The following SNTG1 variants were observed in gnomAD, a reference collection of about 807,000 sequenced individuals.
SNTG1 encodes the protein gamma-1-syntrophin.
SNTG1 carries 39 observed loss-of-function variants against 74.7 expected under a neutral mutation model. The ratio of observed to expected loss-of-function variants is 0.52; its 90% CI spans 0.40 to 0.68. The LOEUF (loss-of-function observed/expected upper bound fraction) is 0.68. Among genes scored for constraint, SNTG1 ranks in the 30% least tolerant of loss-of-function variants. SNTG1 has a pLI of 0.00. For synonymous variants in SNTG1, 254 were observed against 217.1 expected (o/e 1.17, Z -1.49); for missense variants, 685 against 609.5 (o/e 1.12, Z -1.30).
chr8:50,057,954 T>C (rs1820166343), intron 1 of SNTG1, among the ~76,000 whole-genome samples: 1 of 152,166 alleles, frequency 6.6e-6, no homozygotes, highest in Admixed American at 6.6e-5. Context: ...TATTGAATAT[T>C]ATTTGCATGT....
intron 1 of SNTG1, among the ~76,000 whole-genome samples, chr8:50,076,391 T>C (rs1821893236): frequency 6.6e-6 from 1 of 152,304 alleles, no homozygotes; most frequent in South Asian, 2.1e-4. Context: ...CAATGTAGGT[T>C]CTATAAAAAT....
intron 9 of SNTG1, among the ~76,000 whole-genome samples, chr8:50,506,053 T>C (rs894897222): frequency 6.6e-6 from 1 of 152,090 alleles, no homozygotes; most frequent in African/African-American, 2.4e-5. Flanking sequence ...GTGCCCAACA[T>C]TCTTTTGCAT....
rs200560252 is a variant in SNTG1 at position 50,704,740 on chromosome 8, A to T, written c.1179A>T (p.Val393=). The T allele has an allele frequency of 4.4e-4, 708 of 1,614,100 alleles. 2 individuals carry two copies. Among genetic ancestry groups the T allele is most frequent in the Non-Finnish European group, 1.8e-4 (208 of 1,179,994 alleles). Residue 393 remains valine (V), a synonymous_variant, in exon 16 of 19, where the codon GTA becomes GTT. Transcript: ENST00000642720. ...TCCAGACAGCAACCTTTCTAGAAGTAGAACGGATACAGGTGAGAGTCTGTG... is the reference window on the plus strand; with the variant it reads ...TCCAGACAGCAACCTTTCTAGAAGTTGAACGGATACAGGTGAGAGTCTGTG... ...RAFQTATFLE[V]ERIQCKTYAC...
intron 2 of SNTG1, among the ~76,000 whole-genome samples, chr8:50,213,294 A>C (rs1051360037): frequency 1.3e-5 from 2 of 152,170 alleles, no homozygotes; most frequent in Admixed American, 6.5e-5. Context: ...GGCTCCAGCA[A>C]ACCAAATTAT....
chr8:50,607,851 T>G (rs2094823881), intron 13 of SNTG1, among the ~76,000 whole-genome samples: 1 of 151,480 alleles, frequency 6.6e-6, no homozygotes, highest in African/African-American at 2.4e-5. Flanking sequence ...AAGGTATGAA[T>G]TTTTTCTGAA....
chr8:50,509,308 G>A lies in SNTG1; in HGVS notation c.466+6428G>A, dbSNP rs190224228. Among the ~76,000 whole-genome samples the A allele has an allele frequency of 1.5e-3, 224 of 152,290 alleles. 1 individual carries two copies. The highest frequency in any genetic ancestry group is 5.2e-3 in the African/African-American group (216 of 41,558). The stretch of plus-strand genomic sequence containing the variant: ...TCTGTTTTGGTACCAGTACCATGCT[G>A]TTTTGGTTACTGTAGCCTTGTAGTT... On this transcript the variant is annotated intron_variant, in intron 9 of 18. Coordinates refer to ENST00000642720, the MANE Select transcript of SNTG1 (RefSeq NM_018967.5).
intron 2 of SNTG1, among the ~76,000 whole-genome samples, chr8:50,226,946 A>C (rs985973705): frequency 6.6e-6 from 1 of 152,176 alleles, no homozygotes; most frequent in African/African-American, 2.4e-5. Context: ...GATGGTTCTG[A>C]ATATTTACCA....
At chr8:50,040,994 T>A (rs936670895) in intron 1 of SNTG1, among the ~76,000 whole-genome samples, 2 of 152,178 alleles carry the variant, frequency 1.3e-5, no homozygotes, top group African/African-American at 4.8e-5. Flanking sequence ...CCTCCCAGGT[T>A]CAAGTGATTC....
chr8:50,140,418 A>C (rs2081616920), intron 1 of SNTG1, among the ~76,000 whole-genome samples: 1 of 151,936 alleles, frequency 6.6e-6, no homozygotes, highest in Non-Finnish European at 1.5e-5. Flanking sequence ...TCTGAAAGAG[A>C]GTGTGTATGT....
At chr8:50,168,378 A>G (rs1269821221) in intron 1 of SNTG1, among the ~76,000 whole-genome samples, 3 of 152,156 alleles carry the variant, frequency 2.0e-5, no homozygotes, top group Admixed American at 2.0e-4. Context: ...GCCATTAAGT[A>G]ACAATTTGTT....
intron 2 of SNTG1, among the ~76,000 whole-genome samples, chr8:50,313,940 G>A (rs1410599509): frequency 5.3e-5 from 8 of 149,722 alleles, no homozygotes; most frequent in South Asian, 4.5e-4. Flanking sequence ...AACTAGCTTG[G>A]CATTATCATG....
chr8:50,581,887 A>G (rs1411622916), intron 12 of SNTG1, among the ~76,000 whole-genome samples: 1 of 152,222 alleles, frequency 6.6e-6, no homozygotes, highest in East Asian at 1.9e-4. Context: ...AGACCTTGTC[A>G]TACAAACATA....
intron 1 of SNTG1, among the ~76,000 whole-genome samples, chr8:50,077,977 T>G (rs1822048060): frequency 6.6e-6 from 1 of 152,190 alleles, no homozygotes; most frequent in African/African-American, 2.4e-5. Context: ...TATGTGTGTG[T>G]GTGCATTTGT....
chr8:50,504,642 A>G (rs2093991213), intron 9 of SNTG1, among the ~76,000 whole-genome samples: 1 of 152,140 alleles, frequency 6.6e-6, no homozygotes, highest in African/African-American at 2.4e-5. Flanking sequence ...AAATACAAAA[A>G]AACCCCAAAA....
intron 1 of SNTG1, among the ~76,000 whole-genome samples, chr8:50,161,423 G>A (rs759112068): frequency 2.6e-5 from 4 of 152,182 alleles, no homozygotes; most frequent in Admixed American, 1.3e-4. Context: ...AATCAAATAC[G>A]AAGTTCAGTT....
At chr8:49,980,446 C>A (rs543999261) in intron 1 of SNTG1, among the ~76,000 whole-genome samples, 5 of 146,622 alleles carry the variant, frequency 3.4e-5, no homozygotes, top group African/African-American at 1.0e-4. Flanking sequence ...TCTGCCTGCA[C>A]GAGTTCCTCC....
At chr8:50,660,717 A>T (rs548066402) in intron 15 of SNTG1, among the ~76,000 whole-genome samples, 1 of 152,174 alleles carries the variant, frequency 6.6e-6, no homozygotes, top group Non-Finnish European at 1.5e-5. Context: ...AAAAAAAGCT[A>T]TTTAAACATT....
intron 13 of SNTG1, among the ~76,000 whole-genome samples, chr8:50,600,019 T>C (rs2094761175): frequency 6.6e-6 from 1 of 152,180 alleles, no homozygotes; most frequent in South Asian, 2.1e-4. Flanking sequence ...GAAGGGATAT[T>C]GAATTTTATC....
chr8:49,954,880 A>G (rs867646956), intron 1 of SNTG1, among the ~76,000 whole-genome samples: 1 of 152,164 alleles, frequency 6.6e-6, no homozygotes, highest in African/African-American at 2.4e-5. Flanking sequence ...ACAATTTTTA[A>G]TTATTTGAGA....
Sources: allele counts gnomAD v4.1 joint callset (sites outside exome capture counted in the v4.1 genomes callset), GRCh38; gene constraint gnomAD v4.1.1; transcripts MANE v1.5; gene names NCBI Gene and HGNC (gene_info 2026-07-23, HGNC 2026-07-21).